Variants in IFT74 observed in about 807,000 individuals in gnomAD.
IFT74 encodes intraflagellar transport protein 74 homolog.
A neutral mutation model predicts 96.7 loss-of-function variants in IFT74; 92 were observed. The ratio of observed to expected loss-of-function variants is 0.95; its 90% CI spans 0.80 to 1.13. The LOEUF (loss-of-function observed/expected upper bound fraction) is 1.13. Among genes scored for constraint, IFT74 ranks in the 50% most tolerant of loss-of-function variants. The pLI is 0.00. For synonymous variants in IFT74, 223 were observed against 213.2 expected, an observed-to-expected ratio of 1.05 and a Z score of -0.40; for missense variants, 811 against 698.2, an observed-to-expected ratio of 1.16 and a Z score of -1.82.
In IFT74 at chr9:27,009,003, C is replaced by T. The variant is rs372071479; in HGVS notation, c.588-17C>T. On this transcript the variant is annotated splice_polypyrimidine_tract_variant and intron_variant, in intron 8 of 19. Coordinates refer to ENST00000380062, the MANE Select transcript of IFT74 (RefSeq NM_025103.4). Reference sequence around the variant, plus strand: ...CCTCAATATAGTATCAGGAATATTACGTGCTTCTGATTTTAGGAAAGAAAA... The same window carrying T: ...CCTCAATATAGTATCAGGAATATTATGTGCTTCTGATTTTAGGAAAGAAAA... The T allele has an allele frequency of 3.4e-5, 55 of 1,599,534 alleles. No individual in the cohort carries two copies. The African/African-American group carries it at 5.9e-4, about 17-fold the overall frequency.
chr9:27,038,147 G>C (rs563264619), intron 13 of IFT74, among the ~76,000 whole-genome samples: 1 of 152,326 alleles, frequency 6.6e-6, no homozygotes, highest in East Asian at 1.9e-4. Flanking sequence ...AGAGGCTGTA[G>C]ATGCCCCAAA....
At chr9:27,025,795 C>T (rs1463635058) in intron 12 of IFT74, among the ~76,000 whole-genome samples, 1 of 152,152 alleles carries the variant, frequency 6.6e-6, no homozygotes, top group African/African-American at 2.4e-5. Flanking sequence ...AGAGAATTCA[C>T]CACTACCAAG....
At chr9:26,964,334 GGTACCA>G (rs1475206574) in intron 2 of IFT74, among the ~76,000 whole-genome samples, 6 of 148,774 alleles carry the variant, frequency 4.0e-5, no homozygotes, top group Non-Finnish European at 8.9e-5. Flanking sequence ...TCTCTGTTTT[GGTACCA>G]GTACCATGCT....
intron 13 of IFT74, among the ~76,000 whole-genome samples, chr9:27,041,956 A>G (rs1819498519): frequency 6.6e-6 from 1 of 152,144 alleles, no homozygotes; most frequent in Non-Finnish European, 1.5e-5. Flanking sequence ...ACAGCTGTAA[A>G]TGTTAACCAG....
intron 8 of IFT74, among the ~76,000 whole-genome samples, chr9:27,005,252 G>A (rs1828706116): frequency 6.9e-6 from 1 of 144,966 alleles, no homozygotes; most frequent in South Asian, 2.2e-4. Flanking sequence ...TTTTTATCTT[G>A]CCAATTGGCT....
In IFT74 at chr9:26,990,200, G is replaced by C. The variant is rs754896599; in HGVS notation, c.587+5G>C. 4 of 1,374,312 alleles carry C rather than the reference G, an allele frequency of 2.9e-6. No homozygotes were observed. Among genetic ancestry groups the C allele is most frequent in the Non-Finnish European group, 3.8e-6 (4 of 1,039,122 alleles). 85.1% of individuals were successfully genotyped at this position (1,374,312 alleles called of 1,614,324 possible). ...CATATTTACTGAAAGACAAGCGTAA[G>C]TATAGCTAATTTAAAAATTAGATTC... On this transcript the variant is annotated splice_donor_5th_base_variant and intron_variant, in intron 8 of 19. Coordinates refer to ENST00000380062, the MANE Select transcript of IFT74 (RefSeq NM_025103.4).
intron 13 of IFT74, among the ~76,000 whole-genome samples, chr9:27,036,101 A>T (rs1819169149): frequency 6.6e-6 from 1 of 152,228 alleles, no homozygotes; most frequent in African/African-American, 2.4e-5. Context: ...GAGAACTATA[A>T]AGATTTTTAT....
chr9:26,986,776 G>T (rs10967644), intron 6 of IFT74, among the ~76,000 whole-genome samples: 1 of 151,838 alleles, frequency 6.6e-6, no homozygotes, highest in Non-Finnish European at 1.5e-5. Flanking sequence ...GTGCATGCCA[G>T]CATGCCTGGC....
intron 13 of IFT74, among the ~76,000 whole-genome samples, chr9:27,040,373 A>G (rs1819417859): frequency 6.6e-6 from 1 of 151,938 alleles, no homozygotes; most frequent in African/African-American, 2.4e-5. Context: ...CAACATAGTG[A>G]AACCCTGTCT....
At chr9:27,038,540 G>A (rs1367718312) in intron 13 of IFT74, among the ~76,000 whole-genome samples, 1 of 152,212 alleles carries the variant, frequency 6.6e-6, no homozygotes, top group African/African-American at 2.4e-5. Context: ...GCCTCCCAAA[G>A]TGCTGGGATT....
rs562804818 is a variant in IFT74, at chr9:27,011,906, G to C, written c.727G>C (p.Glu243Gln). ...TGTTTGCTTTTTTTTTTCCACTTAG[G>C]AATTAGATACACTTCAACAACAATT... ...MKTTNEKLLQ[E>Q]LDTLQQQLDS... Residue 243 changes from glutamate (E) to glutamine (Q), a missense_variant and splice_region_variant, in exon 10 of 20, where the codon GAA becomes CAA. By Grantham distance (29) the Glu-to-Gln change is conservative. Transcript: ENST00000380062. The C allele has an allele frequency of 3.2e-4, 498 of 1,545,152 alleles. 5 individuals carry two copies. The South Asian group carries it at 5.9e-3, about 18-fold the overall frequency.
intron 2 of IFT74, among the ~76,000 whole-genome samples, chr9:26,967,842 G>A (rs771762213): frequency 4.6e-5 from 7 of 152,030 alleles, no homozygotes; most frequent in Admixed American, 2.0e-4. Flanking sequence ...CAATATCAAC[G>A]GAAGGCTTTT....
At chr9:26,978,057 G>A (rs1239978717) in intron 2 of IFT74, 71 bp from the exon 3 acceptor site, 6 of 1,349,368 alleles carry the variant, frequency 4.4e-6, no homozygotes, top group Non-Finnish European at 6.0e-6. Flanking sequence ...AATTGTCTTT[G>A]CAGTTTTACA....
At chr9:26,973,178 G>A (rs1468210953) in intron 2 of IFT74, among the ~76,000 whole-genome samples, 8 of 152,184 alleles carry the variant, frequency 5.3e-5, no homozygotes, top group African/African-American at 1.4e-4. Context: ...AACCACTGAT[G>A]ATCATAAGGA....
intron 14 of IFT74, among the ~76,000 whole-genome samples, chr9:27,045,416 TA>T (rs2131680957): frequency 6.6e-6 from 1 of 152,328 alleles, no homozygotes; most frequent in Non-Finnish European, 1.5e-5. Flanking sequence ...TGTTCTCTTT[TA>T]CATGCTTCAC....
rs562399659 is a variant in IFT74, at chr9:27,036,143, G to C, written c.1054+7039G>C. Among the ~76,000 whole-genome samples, 18 of 152,262 alleles carry C rather than the reference G, an allele frequency of 1.2e-4. 1 individual carries two copies. In the South Asian group the frequency reaches 1.2e-3, roughly 11 times the overall value. Reference sequence around the variant, plus strand: ...CCACTTACTAATGAAATGGAAGTAGGTCATTATAAAGGTCTTCATCCTCAT... The same window carrying C: ...CCACTTACTAATGAAATGGAAGTAGCTCATTATAAAGGTCTTCATCCTCAT... On this transcript the variant is annotated intron_variant, in intron 13 of 19. Transcript: ENST00000380062.
intron 2 of IFT74, among the ~76,000 whole-genome samples, chr9:26,964,613 A>G (rs1826524705): frequency 6.6e-6 from 1 of 151,954 alleles, no homozygotes; most frequent in East Asian, 1.9e-4. Context: ...ATGTTCTTCC[A>G]TTTGTTGTAA....
At chr9:27,031,216 C>T (rs933895415) in intron 13 of IFT74, among the ~76,000 whole-genome samples, 1 of 152,136 alleles carries the variant, frequency 6.6e-6, no homozygotes, top group East Asian at 1.9e-4. Flanking sequence ...CGGTGGCTCA[C>T]GCCTGTAGTC....
chr9:27,058,930 A>G (rs370102782), intron 18 of IFT74, among the ~76,000 whole-genome samples: 1 of 152,178 alleles, frequency 6.6e-6, no homozygotes, highest in East Asian at 1.9e-4. Flanking sequence ...TAGAGTGAGG[A>G]TGAGTGCTGG....
Sources: gnomAD v4.1 joint callset for allele counts (sites outside exome capture counted in the v4.1 genomes callset) on GRCh38, gnomAD v4.1.1 for gene constraint, MANE v1.5 for transcripts, NCBI Gene and HGNC (gene_info 2026-07-23, HGNC 2026-07-21) for gene names.